IBTK: variants seen among roughly 807,000 people sequenced by gnomAD.
IBTK encodes BTK-binding protein.
A neutral mutation model predicts 154.9 loss-of-function variants in IBTK; 83 were observed. The ratio of observed to expected loss-of-function variants is 0.54; its 90% CI spans 0.45 to 0.64. The LOEUF (loss-of-function observed/expected upper bound fraction) is 0.64, where lower values mean the gene tolerates loss of function less well. Ranked by LOEUF, IBTK falls within the 30% of genes least tolerant of loss-of-function variation. The pLI, the probability that IBTK is intolerant of heterozygous loss-of-function variation, is 0.00. For synonymous variants in IBTK, 515 were observed against 536.1 expected, an observed-to-expected ratio of 0.96 and a Z score of 0.54; for missense variants, 1,332 against 1,584.6, an observed-to-expected ratio of 0.84 and a Z score of 2.71.
Position 82,240,540 on chromosome 6 carries a change from A to G in IBTK, c.-54T>C. ...GAATCGTGAAAACTAATTTTAAAAA[A>G]TGAAAAAGCCAGGACACAAAGGTGC... On this transcript the variant is annotated 5_prime_UTR_variant, in exon 2 of 29. Transcript: ENST00000306270. 1 of 1,484,784 alleles carries G rather than the reference A, an allele frequency of 6.7e-7. No individual in the cohort carries two copies. Among genetic ancestry groups the G allele is most frequent in the Non-Finnish European group, 9.1e-7 (1 of 1,097,582 alleles). 92.0% of individuals were successfully genotyped at this position (1,484,784 alleles called of 1,614,324 possible). A position where few individuals can be genotyped will look rare whatever the true frequency, so the allele number is the denominator to read the frequency against.
intron 21 of IBTK, among the ~76,000 whole-genome samples, chr6:82,198,492 CT>C (rs1294089250): frequency 1.3e-5 from 2 of 151,840 alleles, no homozygotes; most frequent in Non-Finnish European, 2.9e-5. Flanking sequence ...TAAAACTATT[CT>C]TGACATTATT....
chr6:82,228,929 C>T (rs654547), intron 4 of IBTK, among the ~76,000 whole-genome samples: 115,147 of 152,016 alleles, frequency 0.76, 44,443 homozygotes, highest in East Asian at 0.96. Context: ...CCTAAAACCC[C>T]TGAATTTTTA....
At chr6:82,171,789 T>A (rs559321501) in intron 28 of IBTK, among the ~76,000 whole-genome samples, 1 of 152,312 alleles carries the variant, frequency 6.6e-6, no homozygotes, top group South Asian at 2.1e-4. Flanking sequence ...TCAATTTGAA[T>A]CTTGAGCAGA....
chr6:82,180,005 T>TAGGCAGGGGCTAATTTGTTCACCAA (rs1304544996), intron 26 of IBTK, among the ~76,000 whole-genome samples: 1 of 152,130 alleles, frequency 6.6e-6, no homozygotes, highest in Non-Finnish European at 1.5e-5. Flanking sequence ...TAGTTCTATA[T>TAGGCAGGGGCTAATTTGTTCACCAA]AGGCAGGGGC....
intron 1 of IBTK, among the ~76,000 whole-genome samples, chr6:82,241,102 A>G (rs2127829912): frequency 6.6e-6 from 1 of 151,878 alleles, no homozygotes; most frequent in Admixed American, 6.6e-5. Flanking sequence ...AAATCTATCG[A>G]CCTTTCATAT....
At chr6:82,228,779 G>A (rs551340416) in intron 4 of IBTK, among the ~76,000 whole-genome samples, 21 of 152,018 alleles carry the variant, frequency 1.4e-4, no homozygotes, top group African/African-American at 3.9e-4. Context: ...CCGCCACCAC[G>A]CCTGGCTAAT....
At chr6:82,235,267 T>C (rs1278330637) in intron 2 of IBTK, among the ~76,000 whole-genome samples, 1 of 152,080 alleles carries the variant, frequency 6.6e-6, no homozygotes, top group African/African-American at 2.4e-5. Flanking sequence ...TGGGAGTGCA[T>C]CTGAACATAA....
intron 8 of IBTK, among the ~76,000 whole-genome samples, chr6:82,221,099 G>A (rs1356516995): frequency 1.3e-5 from 2 of 152,144 alleles, no homozygotes; most frequent in South Asian, 2.1e-4. Context: ...GGCCAAGGCC[G>A]GTGGATCATT....
chr6:82,246,897 TACATGAATCTCTGGCTA>T (rs1771169103), intron 1 of IBTK, among the ~76,000 whole-genome samples: 2 of 152,240 alleles, frequency 1.3e-5, no homozygotes, highest in Admixed American at 1.3e-4. Context: ...TAAAAGGTGC[TACATGAATCTCTGGCTA>T]ACACAGTCAA....
At chr6:82,208,924 A>G (rs1769520181) in intron 16 of IBTK, among the ~76,000 whole-genome samples, 2 of 152,180 alleles carry the variant, frequency 1.3e-5, no homozygotes, top group Non-Finnish European at 2.9e-5. Context: ...AAAAGTGTCC[A>G]AAGGATTTGA....
At chr6:82,232,056 G>T (rs9449452) in intron 3 of IBTK, among the ~76,000 whole-genome samples, 35,897 of 116,606 alleles carry the variant, frequency 0.31, 4,288 homozygotes, top group East Asian at 0.4. Context: ...TTTTTTTTTT[G>T]TTGTTGTTTT....
chr6:82,205,904 A>G (rs999329834), intron 16 of IBTK: 1 of 152,190 alleles, frequency 6.6e-6, no homozygotes, highest in Non-Finnish European at 1.5e-5. Context: ...AAAAAGATTA[A>G]GAAGAAAAAA....
At chr6:82,193,274 T>A (rs576848809) in intron 23 of IBTK, among the ~76,000 whole-genome samples, 8 of 152,182 alleles carry the variant, frequency 5.3e-5, no homozygotes, top group Non-Finnish European at 7.3e-5. Flanking sequence ...TTGCTATGCA[T>A]TTTGTCAATG....
At chr6:82,240,866 A>C (rs1770919625) in intron 1 of IBTK, 23 bp from the exon 2 acceptor site, 2 of 404,990 alleles carry the variant, frequency 4.9e-6, no homozygotes, top group South Asian at 1.2e-4. Context: ...GAGAAGAGAA[A>C]ATAAAAATTC....
intron 1 of IBTK, among the ~76,000 whole-genome samples, chr6:82,243,994 G>A (rs900080671): frequency 2.0e-5 from 3 of 152,180 alleles, no homozygotes; most frequent in African/African-American, 7.2e-5. Context: ...GCGATTAAGA[G>A]CTAGGATTTC....
chr6:82,211,482 G>T lies in IBTK; in HGVS notation c.2374+8C>A, dbSNP rs761607931. ...AAATAAATCAGCAGCTTTAAAAAGT[G>T]CACCTACCAAGTCTAGCACAAAGAA... On this transcript the variant is annotated splice_region_variant and intron_variant, in intron 14 of 28. Coordinates refer to ENST00000306270, the MANE Select transcript of IBTK (RefSeq NM_015525.4). The T allele has an allele frequency of 9.3e-6, 15 of 1,610,712 alleles. No homozygotes were observed. Among genetic ancestry groups the T allele is most frequent in the Non-Finnish European group, 1.3e-5 (15 of 1,177,114 alleles).
At position 82,171,391 on chromosome 6, in the gene IBTK, A is replaced by C; in HGVS notation, c.*34T>G. 1 of 1,580,238 alleles carries C rather than the reference A, an allele frequency of 6.3e-7. No individual in the cohort carries two copies. Among genetic ancestry groups the C allele is most frequent in the African/African-American group, 1.4e-5 (1 of 73,638 alleles). On this transcript the variant is annotated 3_prime_UTR_variant, in exon 29 of 29. Coordinates refer to ENST00000306270, the MANE Select transcript of IBTK (RefSeq NM_015525.4). ...CTTTTCTTTATATGAACAAACTCAT[A>C]ATTATGTAAAATGCATCTCAACTCC...
chr6:82,233,155 C>CAAAA (rs35870814), intron 3 of IBTK, among the ~76,000 whole-genome samples: 2 of 93,372 alleles, frequency 2.1e-5, no homozygotes, highest in African/African-American at 3.7e-5. Context: ...GAAACTGTCT[C>CAAAA]AAAAAAAAAA....
intron 8 of IBTK, among the ~76,000 whole-genome samples, chr6:82,221,724 G>T (rs2127819519): frequency 6.6e-6 from 1 of 152,204 alleles, no homozygotes; most frequent in South Asian, 2.1e-4. Context: ...TGTTATATAG[G>T]CAAGTTTTAT....
Sources: gnomAD v4.1 joint callset for allele counts (sites outside exome capture counted in the v4.1 genomes callset) on GRCh38, gnomAD v4.1.1 for gene constraint, MANE v1.5 for transcripts, NCBI Gene and HGNC (gene_info 2026-07-23, HGNC 2026-07-21) for gene names.